Variants in POLR1A observed in about 807,000 individuals in gnomAD.
The protein encoded by POLR1A is DNA-directed RNA polymerase I subunit RPA1.
A neutral mutation model predicts 205.3 loss-of-function variants in POLR1A; 84 were observed. The observed-to-expected ratio is 0.41, with a 90% CI of 0.34 to 0.49. The LOEUF (loss-of-function observed/expected upper bound fraction) is 0.49. Ranked by LOEUF, POLR1A falls within the 20% of genes least tolerant of loss-of-function variation. POLR1A has a pLI of 0.22. For synonymous variants in POLR1A, 799 were observed against 863.7 expected (o/e 0.93, Z 1.31); for missense variants, 1,645 against 2,204.5 (o/e 0.75, Z 5.08).
intron 28 of POLR1A, among the ~76,000 whole-genome samples, chr2:86,032,975 G>C (rs1476193090): frequency 6.6e-6 from 1 of 152,164 alleles, no homozygotes; most frequent in Non-Finnish European, 1.5e-5. Context: ...TTAGGGGTGA[G>C]AAGACAGACC....
At chr2:86,048,390 C>T (rs1421789832) in intron 18 of POLR1A, among the ~76,000 whole-genome samples, 7 of 152,214 alleles carry the variant, frequency 4.6e-5, no homozygotes, top group African/African-American at 1.7e-4. Flanking sequence ...TCTCTGCAGC[C>T]CTGTGAGGTG....
At chr2:86,049,490 T>C (rs1672763578) in intron 16 of POLR1A, among the ~76,000 whole-genome samples, 1 of 152,176 alleles carries the variant, frequency 6.6e-6, no homozygotes, top group African/African-American at 2.4e-5. Context: ...TACTTTCCCA[T>C]GGTCGTATGG....
At chr2:86,041,512 T>A (rs1287723606) in intron 24 of POLR1A, among the ~76,000 whole-genome samples, 1 of 152,084 alleles carries the variant, frequency 6.6e-6, no homozygotes, top group Non-Finnish European at 1.5e-5. Flanking sequence ...TAAGACCTGG[T>A]GTCCCTGGGC....
Position 86,024,103 on chromosome 2 carries a change from G to A in POLR1A, c.*3320C>T, listed in dbSNP as rs1027830004. 6.5e-6 allele frequency: 1 copy of A among 153,866 alleles called. No homozygotes were observed. The highest frequency in any genetic ancestry group is 2.4e-5 in the African/African-American group (1 of 41,476). 9.5% of individuals were successfully genotyped at this position (153,866 alleles called of 1,614,324 possible). The stretch of plus-strand genomic sequence containing the variant: ...TTATTTGCAACAGCCAAGAGGTGGA[G>A]GCAACCCAAGTGTCCACCAACAGAT... On this transcript the variant is annotated 3_prime_UTR_variant, in exon 34 of 34. Coordinates refer to ENST00000263857, the MANE Select transcript of POLR1A (RefSeq NM_015425.6).
chr2:86,038,634 T>C, intron 27 of POLR1A, 66 bp downstream of exon 27: 1 of 1,519,450 alleles, frequency 6.6e-7, no homozygotes, highest in Non-Finnish European at 9.1e-7. Flanking sequence ...GGCTAGGTGC[T>C]TCCTGCCCCA....
At position 86,038,728 on chromosome 2, in the gene POLR1A, C is replaced by T. The variant is rs1401378860; in HGVS notation, c.4006G>A (p.Glu1336Lys). Reference sequence around the variant, plus strand: ...GTTTCCATGAAGCGCAGGATGTCCTCGGGTCTCAGGCACTTCTCCTGCTGG... The same window carrying T: ...GTTTCCATGAAGCGCAGGATGTCCTTGGGTCTCAGGCACTTCTCCTGCTGG... ...YYQQEKCLRP[E>K]DILRFMETRF... The change falls in exon 27 of 34, where the codon GAG (glutamate) becomes AAG (lysine). Residue 1336 changes from glutamate (E) to lysine (K), a missense_variant. By Grantham distance (56) the Glu-to-Lys change is moderately conservative. Transcript: ENST00000263857. 6 of 1,613,930 alleles carry T rather than the reference C, an allele frequency of 3.7e-6. No individual in the cohort carries two copies. The highest frequency in any genetic ancestry group is 4.2e-6 in the Non-Finnish European group (5 of 1,179,984).
Position 86,027,951 on chromosome 2 carries a change from A to G in POLR1A, c.4996T>C (p.Ser1666Pro), listed in dbSNP as rs1430594989. The change falls in exon 33 of 34, where the codon TCT (serine) becomes CCT (proline). Residue 1666 changes from serine (S) to proline (P), a missense_variant. Around this residue, in one of 16 missense-constraint regions of POLR1A, gnomAD observed 86 missense variants for 149.8 expected, o/e 0.57. Coordinates refer to ENST00000263857, the MANE Select transcript of POLR1A (RefSeq NM_015425.6). ...PLNRFGIRSN[S>P]SPLQQMTFET... ...AATGTCATCTGCTGTAGCGGGGAAG[A>G]GTTTGACCGGATCCCAAAGCGATTC... 3.7e-6 allele frequency: 6 copies of G among 1,614,080 alleles called. No individual in the cohort carries two copies. The East Asian group carries it at 1.3e-4, about 36-fold the overall frequency.
chr2:86,039,203 A>C (rs954222263), intron 26 of POLR1A, 124 bp downstream of exon 26: 15 of 1,046,480 alleles, frequency 1.4e-5, no homozygotes, highest in African/African-American at 7.9e-5. Flanking sequence ...GAGACAGCTT[A>C]TCTCTCATTG....
Position 86,054,154 on chromosome 2 carries a change from T to C in POLR1A, c.2194A>G (p.Met732Val), listed in dbSNP as rs750420653. ...RSVPGFNPDSMCESQVIIREG... is the reference protein window; with the variant it reads ...RSVPGFNPDSVCESQVIIREG... Reference sequence around the variant, plus strand: ...GACAGCCATACCTGGGACTCGCACATCGAGTCAGGGTTAAAGCCAGGAACG... The same window carrying C: ...GACAGCCATACCTGGGACTCGCACACCGAGTCAGGGTTAAAGCCAGGAACG... Residue 732 changes from methionine to valine, a missense_variant, in exon 15 of 34, where the codon ATG becomes GTG. Met to Val is a conservative substitution (Grantham distance 21, BLOSUM62 1). Transcript: ENST00000263857. 3 of 1,613,696 alleles carry C rather than the reference T, an allele frequency of 1.9e-6. No individual in the cohort carries two copies. In the African/African-American group the frequency reaches 4.0e-5, roughly 22 times the overall value.
chr2:86,044,585 C>T (rs968730200), intron 21 of POLR1A, among the ~76,000 whole-genome samples: 1 of 152,102 alleles, frequency 6.6e-6, no homozygotes, highest in African/African-American at 2.4e-5. Context: ...CCCATCTAGC[C>T]CCAGCTGCTG....
rs1386557233 is a variant in POLR1A at position 86,026,284 on chromosome 2, G to T, written c.*1139C>A. 1 of 152,104 alleles carries T rather than the reference G, an allele frequency of 6.6e-6. No homozygotes were observed. Among genetic ancestry groups the T allele is most frequent in the African/African-American group, 2.4e-5 (1 of 41,390 alleles). The allele number at this position is 152,104 out of a possible 1,614,324, so 9.4% of individuals were successfully genotyped here. A position where few individuals can be genotyped will look rare whatever the true frequency, so the allele number is the denominator to read the frequency against. ...CTGTGCCAAGAAAATCCCCGCCCTG[G>T]GTTCTCAAATCCAAATGCAGAAACT... On this transcript the variant is annotated 3_prime_UTR_variant, in exon 34 of 34. Transcript: ENST00000263857.
intron 6 of POLR1A, among the ~76,000 whole-genome samples, chr2:86,085,750 ACTT>A (rs1673493756): frequency 6.6e-6 from 1 of 152,224 alleles, no homozygotes; most frequent in African/African-American, 2.4e-5. Flanking sequence ...CCTAACAAGA[ACTT>A]CTGCAGCTTG....
chr2:86,042,183 G>T, intron 23 of POLR1A, 80 bp from the exon 24 acceptor site: 1 of 983,212 alleles, frequency 1.0e-6, no homozygotes, highest in Non-Finnish European at 1.6e-6. Context: ...GGCTTCCAAT[G>T]AGAATAAAGG....
intron 21 of POLR1A, 91 bp from the exon 22 acceptor site, chr2:86,044,395 A>G (rs1672675091): frequency 7.2e-7 from 1 of 1,384,576 alleles, no homozygotes; most frequent in East Asian, 2.3e-5. Context: ...AGGGGAGGGA[A>G]AGGGGGGCTC....
intron 1 of POLR1A, among the ~76,000 whole-genome samples, chr2:86,101,448 G>A (rs1673821480): frequency 2.0e-5 from 3 of 152,156 alleles, no homozygotes; most frequent in Admixed American, 2.0e-4. Context: ...GCGACAGGGA[G>A]GCAGATCTGC....
At chr2:86,051,570 A>G (rs536370795) in intron 16 of POLR1A, among the ~76,000 whole-genome samples, 1 of 152,348 alleles carries the variant, frequency 6.6e-6, no homozygotes, top group African/African-American at 2.4e-5. Context: ...CATGAACCAG[A>G]CAACGCCTAT....
chr2:86,097,053 G>C lies in POLR1A; in HGVS notation c.432+1558C>G, dbSNP rs140663647. Among the ~76,000 whole-genome samples the C allele has an allele frequency of 1.7e-3, 259 of 151,478 alleles. 4 individuals are homozygous for C. The highest frequency in any genetic ancestry group is 6.1e-3 in the African/African-American group (250 of 41,294). On this transcript the variant is annotated intron_variant, in intron 3 of 33. Coordinates refer to ENST00000263857, the MANE Select transcript of POLR1A (RefSeq NM_015425.6). ...TCCCAAACAATTCGATTAAAAAATG[G>C]GCAAATGATCTGAACAAACATTTCT...
chr2:86,040,935 G>A (rs1241989193), intron 24 of POLR1A, among the ~76,000 whole-genome samples: 4 of 152,102 alleles, frequency 2.6e-5, no homozygotes, highest in African/African-American at 9.7e-5. Flanking sequence ...TGACAATTTG[G>A]AGACAGTTTA....
rs1413433283 is a variant in POLR1A, at chr2:86,020,967, G to C, written c.*6456C>G. 1 of 152,260 alleles carries C rather than the reference G, an allele frequency of 6.6e-6. No homozygotes were observed. Among genetic ancestry groups the C allele is most frequent in the African/African-American group, 2.4e-5 (1 of 41,462 alleles). 9.4% of individuals were successfully genotyped at this position (152,260 alleles called of 1,614,324 possible). On this transcript the variant is annotated 3_prime_UTR_variant, in exon 34 of 34. Transcript: ENST00000263857. ...AAAGGAAACTGAAGTGCATTTCTTA[G>C]GGTCCCACTGTAAGTTGAGGGCTTG... is the stretch of plus-strand genomic sequence containing the variant.
Sources: allele counts gnomAD v4.1 joint callset (sites outside exome capture counted in the v4.1 genomes callset), GRCh38; gene constraint gnomAD v4.1.1; regional missense constraint gnomAD v4.1.1; transcripts MANE v1.5; gene names NCBI Gene and HGNC (gene_info 2026-07-23, HGNC 2026-07-21).